Variants in TSGA10 observed in about 807,000 individuals in gnomAD.
TSGA10 encodes the protein testis specific 10.
TSGA10 carries 43 observed loss-of-function variants against 96.6 expected under a neutral mutation model. The observed-to-expected ratio is 0.44, with a 90% confidence interval of 0.35 to 0.57. The LOEUF (loss-of-function observed/expected upper bound fraction) is 0.57. Among genes scored for constraint, TSGA10 ranks in the 20% least tolerant of loss-of-function variants. The pLI is 0.01. For missense variants in TSGA10, 703 were observed against 834.4 expected, an observed-to-expected ratio of 0.84 and a Z score of 1.94; for synonymous variants, 229 against 269.9, an observed-to-expected ratio of 0.85 and a Z score of 1.48.
chr2:99,000,731 C>T (rs922618490), intron 20 of TSGA10, among the ~76,000 whole-genome samples: 3 of 152,046 alleles, frequency 2.0e-5, no homozygotes, highest in Admixed American at 6.5e-5. Context: ...CGCAAGGGGT[C>T]GGGGAATTCC....
At chr2:99,099,548 T>C (rs959029411) in intron 10 of TSGA10, among the ~76,000 whole-genome samples, 6 of 152,278 alleles carry the variant, frequency 3.9e-5, no homozygotes, top group African/African-American at 1.2e-4. Flanking sequence ...AGAAAAATAA[T>C]GTGACCATCT....
chr2:99,071,617 G>A, intron 14 of TSGA10, 89 bp downstream of exon 14: 1 of 1,269,894 alleles, frequency 7.9e-7, no homozygotes, highest in African/African-American at 1.5e-5. Context: ...CAGTGTCTGA[G>A]CTCTTCTATA....
At chr2:99,043,659 G>C (rs2082434542) in intron 16 of TSGA10, among the ~76,000 whole-genome samples, 1 of 152,134 alleles carries the variant, frequency 6.6e-6, no homozygotes. Flanking sequence ...AATTGCACAG[G>C]AACTCCAATA....
chr2:99,022,332 A>C (rs1344925378), intron 17 of TSGA10, among the ~76,000 whole-genome samples: 4 of 150,070 alleles, frequency 2.7e-5, no homozygotes, highest in African/African-American at 9.7e-5. Context: ...CTCAAAAAAA[A>C]AAAAAAAAAA....
intron 20 of TSGA10, among the ~76,000 whole-genome samples, chr2:99,003,596 C>G (rs552140520): frequency 2.0e-5 from 3 of 152,310 alleles, no homozygotes; most frequent in Admixed American, 2.0e-4. Context: ...TTATAACAAA[C>G]TGTCTCTCTG....
chr2:99,093,381 A>T (rs2089600719), intron 10 of TSGA10, among the ~76,000 whole-genome samples: 1 of 152,198 alleles, frequency 6.6e-6, no homozygotes, highest in African/African-American at 2.4e-5. Flanking sequence ...TCTATTCAAC[A>T]TAGTACTGGA....
intron 12 of TSGA10, among the ~76,000 whole-genome samples, chr2:99,077,012 A>G (rs1311463983): frequency 6.6e-6 from 1 of 151,908 alleles, no homozygotes; most frequent in Non-Finnish European, 1.5e-5. Flanking sequence ...GTTTTTGCCC[A>G]ATTCCAACAA....
At chr2:99,152,349 C>G (rs1285622728) in intron 1 of TSGA10, among the ~76,000 whole-genome samples, 2 of 152,122 alleles carry the variant, frequency 1.3e-5, no homozygotes, top group Non-Finnish European at 2.9e-5. Flanking sequence ...TGCAGTGGAG[C>G]GATCATAGCT....
chr2:99,059,394 G>C (rs768795373), intron 16 of TSGA10, among the ~76,000 whole-genome samples: 2 of 151,588 alleles, frequency 1.3e-5, no homozygotes, highest in African/African-American at 4.9e-5. Flanking sequence ...CAGCACTTTC[G>C]GAAGCCGACG....
At chr2:99,142,967 A>T (rs1017970805) in intron 1 of TSGA10, among the ~76,000 whole-genome samples, 3 of 152,038 alleles carry the variant, frequency 2.0e-5, no homozygotes, top group Admixed American at 6.6e-5. Context: ...ATTTGGAAAG[A>T]ATATAAGGAA....
chr2:99,091,316 C>T (rs2089299506), intron 10 of TSGA10, among the ~76,000 whole-genome samples: 1 of 152,124 alleles, frequency 6.6e-6, no homozygotes, highest in Non-Finnish European at 1.5e-5. Flanking sequence ...AACAGAACCT[C>T]CTTAAAGCAT....
chr2:99,030,787 G>A (rs2081063277), intron 17 of TSGA10, among the ~76,000 whole-genome samples: 1 of 152,120 alleles, frequency 6.6e-6, no homozygotes, highest in Admixed American at 6.5e-5. Context: ...TATTTTGTAG[G>A]TGGAAATCCA....
intron 1 of TSGA10, among the ~76,000 whole-genome samples, chr2:99,144,018 CTT>C (rs36036293): frequency 1.1e-4 from 16 of 151,336 alleles, no homozygotes; most frequent in Admixed American, 9.9e-4. Context: ...TGCTGTGTTC[CTT>C]TTTTTTGTTT....
At chr2:99,123,842 C>T (rs1433816104) in intron 2 of TSGA10, among the ~76,000 whole-genome samples, 1 of 152,130 alleles carries the variant, frequency 6.6e-6, no homozygotes, top group Non-Finnish European at 1.5e-5. Context: ...AGTTATATTC[C>T]ATTGTAAGCA....
rs545652074 is a variant in TSGA10, at chr2:99,011,383, C to G, written c.2072+6817G>C. Among the ~76,000 whole-genome samples the G allele has an allele frequency of 1.5e-4, 23 of 152,248 alleles. No individual in the cohort carries two copies. The South Asian group carries it at 4.6e-3, about 30-fold the overall frequency. On this transcript the variant is annotated intron_variant, in intron 20 of 20. Transcript: ENST00000393483. The stretch of plus-strand genomic sequence containing the variant: ...CTGACTTCAAGTGATCTGCCCACCT[C>G]GGCCTCCCAAAGTGCTGGGATTACA...
chr2:99,013,872 G>T (rs964397502), intron 20 of TSGA10, among the ~76,000 whole-genome samples: 1 of 151,846 alleles, frequency 6.6e-6, no homozygotes, highest in East Asian at 2.0e-4. Flanking sequence ...AAAAATTAAG[G>T]CTGGGCGCAG....
In TSGA10 at chr2:99,152,286, C is replaced by T. The variant is rs953809379; in HGVS notation, c.-621+2407G>A. ...GGACATAACACAACACAAGACATAC[C>T]ACATAAAACTGATTTTTTTTAAGAT... On this transcript the variant is annotated intron_variant, in intron 1 of 20. Transcript: ENST00000393483. 7.9e-5 allele frequency among the ~76,000 whole-genome samples: 12 copies of T among 152,156 alleles called. No individual in the cohort carries two copies. In the South Asian group the frequency reaches 1.2e-3, roughly 16 times the overall value.
intron 1 of TSGA10, among the ~76,000 whole-genome samples, chr2:99,128,626 T>G (rs1164748723): frequency 6.6e-6 from 1 of 152,178 alleles, no homozygotes; most frequent in Non-Finnish European, 1.5e-5. Context: ...GTGCTGTAAT[T>G]TCTGATTTAT....
intron 20 of TSGA10, among the ~76,000 whole-genome samples, chr2:99,017,829 A>G (rs559937608): frequency 1.3e-5 from 2 of 151,728 alleles, no homozygotes; most frequent in Admixed American, 1.3e-4. Context: ...ATGGGAGAAG[A>G]GTGAGGAATA....
Sources: gnomAD v4.1 joint callset for allele counts (sites outside exome capture counted in the v4.1 genomes callset) on GRCh38, gnomAD v4.1.1 for gene constraint, MANE v1.5 for transcripts, NCBI Gene and HGNC (gene_info 2026-07-23, HGNC 2026-07-21) for gene names.